VWA5B2: variants seen among roughly 807,000 people sequenced by gnomAD.
VWA5B2 encodes the protein von Willebrand factor A domain-containing protein 5B2.
A neutral mutation model predicts 118.5 loss-of-function variants in VWA5B2; 93 were observed. The observed-to-expected ratio is 0.79, with a 90% CI of 0.66 to 0.93. The LOEUF is 0.93. Among genes scored for constraint, VWA5B2 ranks in the 40% least tolerant of loss-of-function variants. The probability of loss-of-function intolerance (pLI) is 0.00; values close to 1 mark genes in which losing one functional copy is unlikely to be tolerated. For missense variants in VWA5B2, 1,546 were observed against 1,672.8 expected (o/e 0.92, Z 1.32); for synonymous variants, 708 against 716.3 (o/e 0.99, Z 0.19).
chr3:184,240,743 T>C lies in VWA5B2; in HGVS notation c.2741-48T>C, dbSNP rs1456134824. The C allele has an allele frequency of 3.9e-6, 6 of 1,544,104 alleles. No individual in the cohort carries two copies. In the African/African-American group the frequency reaches 4.1e-5, roughly 11 times the overall value. ...TGCAATTTTTTCTATGAGCCCTCTG[T>C]AGAGGGTGGGTGGTGGGGGCTCCAC... On this transcript the variant is annotated intron_variant, in intron 16 of 19. Transcript: ENST00000691901.
intron 8 of VWA5B2, among the ~76,000 whole-genome samples, 198 bp downstream of exon 8, chr3:184,235,506 C>T (rs559640938): frequency 1.3e-5 from 2 of 152,302 alleles, no homozygotes; most frequent in South Asian, 2.1e-4. Context: ...GACACTGTCA[C>T]GCTCTCTTGC....
At position 184,241,208 on chromosome 3, in the gene VWA5B2, C is replaced by G. The variant is rs1341241627; in HGVS notation, c.2984C>G (p.Ala995Gly). 1 of 1,550,284 alleles carries G rather than the reference C, an allele frequency of 6.5e-7. No individual in the cohort carries two copies. The highest frequency in any genetic ancestry group is 8.7e-7 in the Non-Finnish European group (1 of 1,146,294). The stretch of plus-strand genomic sequence containing the variant: ...GCAGGACTTCAGAGAGGCTCTCCAG[C>G]AGGCGCCTGGGACTCGGACCAAAAT... The part of the protein sequence containing the change: ...YSKGLQRGSP[A>G]GAWDSDQNGN... The change falls in exon 19 of 20, where the codon GCA (alanine) becomes GGA (glycine). Residue 995 changes from alanine to glycine, a missense_variant. Physicochemically the swap from Ala to Gly is moderately conservative, Grantham distance 60. This residue lies in a region of VWA5B2 where 763 missense variants were observed against 766.6 expected (regional missense o/e 1.00). Coordinates refer to ENST00000691901, the MANE Select transcript of VWA5B2 (RefSeq NM_001390846.1). The surrounding 1 kb of genome is among the most constrained non-coding windows in gnomAD (Gnocchi z 5.1).
chr3:184,235,354 A>T, intron 8 of VWA5B2, 46 bp downstream of exon 8: 11 of 1,513,088 alleles, frequency 7.3e-6, no homozygotes, highest in Non-Finnish European at 8.1e-6. Context: ...TGGGTGGGGC[A>T]GTGGGTCTGA....
Position 184,241,783 on chromosome 3 carries a change from CG to C in VWA5B2, c.3476del (p.Gly1159AlafsTer13). 1.3e-6 allele frequency: 2 copies of C among 1,491,746 alleles called. No individual in the cohort carries two copies. Among genetic ancestry groups the C allele is most frequent in the Admixed American group, 2.1e-5 (1 of 46,598 alleles). The allele number at this position is 1,491,746 out of a possible 1,614,324, so 92.4% of individuals were successfully genotyped here. A position where few individuals can be genotyped will look rare whatever the true frequency, so the allele number is the denominator to read the frequency against. On this transcript the variant is annotated frameshift_variant, in exon 20 of 20. Transcript: ENST00000691901. LOFTEE classifies it high-confidence loss of function. This position sits in a 1 kb window ranked among gnomAD's most constrained non-coding sequence, Gnocchi z 5.1. ...CCTCCGAGGGGGCGGAAGGGCTGGG[CG>C]GCACCGACCTGCGGGGCCGGACCTG... ...EASEGAEGLGGTDLRGRTWAT... is the reference protein window; with the variant it reads ...EASEGAEGLGXTDLRGRTWAT...
Position 184,239,493 on chromosome 3 carries a change from G to C in VWA5B2, c.2302G>C (p.Gly768Arg). 3 of 1,549,926 alleles carry C rather than the reference G, an allele frequency of 1.9e-6. No homozygotes were observed. Among genetic ancestry groups the C allele is most frequent in the Non-Finnish European group, 2.6e-6 (3 of 1,146,498 alleles). Residue 768 changes from glycine (G) to arginine (R), a missense_variant, in exon 15 of 20, where the codon GGC becomes CGC. Physicochemically the swap from Gly to Arg is moderately radical, Grantham distance 125. This residue lies in a region of VWA5B2 where 763 missense variants were observed against 766.6 expected (regional missense o/e 1.00). Coordinates refer to ENST00000691901, the MANE Select transcript of VWA5B2 (RefSeq NM_001390846.1). The surrounding 1 kb of genome is among the most constrained non-coding windows in gnomAD (Gnocchi z 5.1). ...SPPGRANQVP[G>R]RPRKPSLGAI... The stretch of plus-strand genomic sequence containing the variant: ...TCCAGGCCGGGCAAACCAAGTCCCC[G>C]GCCGACCCCGGAAACCCTCTTTGGG...
At position 184,233,243 on chromosome 3, in the gene VWA5B2, G is replaced by C; in HGVS notation, c.376G>C (p.Ala126Pro). 3.9e-6 allele frequency: 6 copies of C among 1,550,384 alleles called. No individual in the cohort carries two copies. Among genetic ancestry groups the C allele is most frequent in the Non-Finnish European group, 5.2e-6 (6 of 1,146,684 alleles). ...TLVLPTGIIAAAGTMTVTLHS... is the reference protein window; with the variant it reads ...TLVLPTGIIAPAGTMTVTLHS... ...GGTGCTGCCCACAGGCATTATCGCC[G>C]CGGCTGGCACCATGACGGTGACCCT... Residue 126 changes from alanine to proline, a missense_variant, in exon 4 of 20, where the codon GCG (alanine) becomes CCG (proline). By Grantham distance (27) the Ala-to-Pro change is conservative. This residue lies in a region of VWA5B2 where 775 missense variants were observed against 882.3 expected (regional missense o/e 0.88). Transcript: ENST00000691901. This position sits in a 1 kb window ranked among gnomAD's most constrained non-coding sequence, Gnocchi z 5.2.
At position 184,237,431 on chromosome 3, in the gene VWA5B2, T is replaced by G. The variant is rs1231527826; in HGVS notation, c.1719+20T>G. 6.5e-7 allele frequency: 1 copy of G among 1,536,264 alleles called. No homozygotes were observed. The highest frequency in any genetic ancestry group is 2.5e-5 in the East Asian group (1 of 40,564). On this transcript the variant is annotated intron_variant, in intron 12 of 19. Transcript: ENST00000691901. This position sits in a 1 kb window ranked among gnomAD's most constrained non-coding sequence, Gnocchi z 5.6. Reference sequence around the variant, plus strand: ...CCAGGGGTAAGCTTGGGCTGGGGTGTGGTAGGGGGGCTAGGGTGAGGTAGG... The same window carrying G: ...CCAGGGGTAAGCTTGGGCTGGGGTGGGGTAGGGGGGCTAGGGTGAGGTAGG...
chr3:184,236,559 A>T lies in VWA5B2; in HGVS notation c.1421+8A>T. On this transcript the variant is annotated splice_region_variant and intron_variant, in intron 10 of 19. Coordinates refer to ENST00000691901, the MANE Select transcript of VWA5B2 (RefSeq NM_001390846.1). ...GCACAGGGGGACAGCCAGGTATGGG[A>T]TGGGCAGAACCAGATGCGTAAGACT... 1 of 1,551,006 alleles carries T rather than the reference A, an allele frequency of 6.4e-7. No individual in the cohort carries two copies. Among genetic ancestry groups the T allele is most frequent in the Non-Finnish European group, 8.7e-7 (1 of 1,146,732 alleles).
Position 184,237,123 on chromosome 3 carries a change from G to A in VWA5B2, c.1534-103G>A. On this transcript the variant is annotated intron_variant, in intron 11 of 19. Coordinates refer to ENST00000691901, the MANE Select transcript of VWA5B2 (RefSeq NM_001390846.1). The surrounding 1 kb of genome is among the most constrained non-coding windows in gnomAD (Gnocchi z 5.6). The stretch of plus-strand genomic sequence containing the variant: ...CCTGGCCCTGTGCCCCATCAGCTTA[G>A]GGGCTGGGCAGATGGCATCAGGGGA... 1 of 1,327,032 alleles carries A rather than the reference G, an allele frequency of 7.5e-7. No individual in the cohort carries two copies. Among genetic ancestry groups the A allele is most frequent in the Non-Finnish European group, 1.0e-6 (1 of 972,508 alleles). The allele number at this position is 1,327,032 out of a possible 1,614,324, so 82.2% of individuals were successfully genotyped here.
In VWA5B2 at chr3:184,242,294, G is replaced by T; in HGVS notation, c.*256G>T. 1.3e-6 allele frequency: 1 copy of T among 751,150 alleles called. No homozygotes were observed. The highest frequency in any genetic ancestry group is 2.3e-6 in the Non-Finnish European group (1 of 441,172). The allele number at this position is 751,150 out of a possible 1,614,324, so 46.5% of individuals were successfully genotyped here. ...CACAGTGGAAGGGTAGAGAGCCACA[G>T]TCCCCAAATCCTATGCAATAAAGTG... On this transcript the variant is annotated 3_prime_UTR_variant, in exon 20 of 20. Coordinates refer to ENST00000691901, the MANE Select transcript of VWA5B2 (RefSeq NM_001390846.1).
rs1394163874 is a variant in VWA5B2 at position 184,233,819 on chromosome 3, A to T, written c.688+86A>T. 1 of 1,496,278 alleles carries T rather than the reference A, an allele frequency of 6.7e-7. No homozygotes were observed. Among genetic ancestry groups the T allele is most frequent in the African/African-American group, 1.4e-5 (1 of 72,056 alleles). The allele number at this position is 1,496,278 out of a possible 1,614,324, so 92.7% of individuals were successfully genotyped here. ...TGGAAGGGAAATAAGGCTCAGGGAT[A>T]GGAGGGACACAGGACAAAAAGACAG... On this transcript the variant is annotated intron_variant, in intron 5 of 19. Coordinates refer to ENST00000691901, the MANE Select transcript of VWA5B2 (RefSeq NM_001390846.1). The surrounding 1 kb of genome is among the most constrained non-coding windows in gnomAD (Gnocchi z 5.2).
chr3:184,232,980 A>G, intron 3 of VWA5B2, 198 bp from the exon 4 acceptor site: 2 of 588,868 alleles, frequency 3.4e-6, no homozygotes, highest in South Asian at 2.0e-5. Flanking sequence ...TGACAGCCAG[A>G]TCTGTTCACA....
In VWA5B2 at chr3:184,238,764, G is replaced by T. The variant is rs1718263686; in HGVS notation, c.2093G>T (p.Ser698Ile). The T allele has an allele frequency of 6.4e-7, 1 of 1,550,590 alleles. No individual in the cohort carries two copies. The highest frequency in any genetic ancestry group is 8.7e-7 in the Non-Finnish European group (1 of 1,146,790). The change falls in exon 14 of 20, where the codon AGT (serine) becomes ATT (isoleucine). Residue 698 changes from serine to isoleucine, a missense_variant. Coordinates refer to ENST00000691901, the MANE Select transcript of VWA5B2 (RefSeq NM_001390846.1). The surrounding 1 kb of genome is among the most constrained non-coding windows in gnomAD (Gnocchi z 5.0). ...GSQGPGSPEG[S>I]APLEPPSQQG... ...CAGGGCCCTGGCTCCCCCGAAGGTA[G>T]TGCTCCCTTGGAGCCCCCTTCTCAG...
At position 184,239,295 on chromosome 3, in the gene VWA5B2, C is replaced by G; in HGVS notation, c.2203-99C>G. ...CTCCTCAAGCTGGTGAGCGGCCACC[C>G]AGGGTTTCAGAAAAGGGGCATGGGC... On this transcript the variant is annotated intron_variant, in intron 14 of 19. Transcript: ENST00000691901. The surrounding 1 kb of genome is among the most constrained non-coding windows in gnomAD (Gnocchi z 5.1). 1 of 1,333,306 alleles carries G rather than the reference C, an allele frequency of 7.5e-7. No homozygotes were observed. Among genetic ancestry groups the G allele is most frequent in the Non-Finnish European group, 9.8e-7 (1 of 1,019,118 alleles). The allele number at this position is 1,333,306 out of a possible 1,614,324, so 82.6% of individuals were successfully genotyped here.
chr3:184,229,660 G>A lies in VWA5B2; in HGVS notation c.-203G>A, dbSNP rs978528489. On this transcript the variant is annotated 5_prime_UTR_variant, in exon 1 of 20. Transcript: ENST00000691901. ...CGAGGGCCACCCGGAGCGCAGAGGC[G>A]GCACCACCCACACGGATCCCGTGGG... 1.3e-5 allele frequency among the ~76,000 whole-genome samples: 2 copies of A among 152,158 alleles called. No homozygotes were observed. The highest frequency in any genetic ancestry group is 4.8e-5 in the African/African-American group (2 of 41,450).
In VWA5B2 at chr3:184,235,315, G is replaced by A. The variant is rs1717855610; in HGVS notation, c.1101+7G>A. The stretch of plus-strand genomic sequence containing the variant: ...CAGCAGCGTGGCACACAAGGCCCGT[G>A]GGGGTGTGGTGTGGGCAGGCCTGGG... On this transcript the variant is annotated splice_region_variant and intron_variant, in intron 8 of 19. Transcript: ENST00000691901. The A allele has an allele frequency of 6.4e-7, 1 of 1,551,220 alleles. No homozygotes were observed. The highest frequency in any genetic ancestry group is 2.4e-5 in the East Asian group (1 of 40,910).
In VWA5B2 at chr3:184,239,303, C is replaced by T. The variant is rs1718314689; in HGVS notation, c.2203-91C>T. 1 of 1,367,514 alleles carries T rather than the reference C, an allele frequency of 7.3e-7. No individual in the cohort carries two copies. Among genetic ancestry groups the T allele is most frequent in the Non-Finnish European group, 9.5e-7 (1 of 1,048,146 alleles). The allele number at this position is 1,367,514 out of a possible 1,614,324, so 84.7% of individuals were successfully genotyped here. A position where few individuals can be genotyped will look rare whatever the true frequency, so the allele number is the denominator to read the frequency against. ...GCTGGTGAGCGGCCACCCAGGGTTT[C>T]AGAAAAGGGGCATGGGCCAGCTGTG... On this transcript the variant is annotated intron_variant, in intron 14 of 19. Transcript: ENST00000691901. This position sits in a 1 kb window ranked among gnomAD's most constrained non-coding sequence, Gnocchi z 5.1.
In VWA5B2 at chr3:184,233,320, C is replaced by G. The variant is rs1717587713; in HGVS notation, c.453C>G (p.Ala151=). The G allele has an allele frequency of 6.5e-7, 1 of 1,537,666 alleles. No individual in the cohort carries two copies. The highest frequency in any genetic ancestry group is 8.8e-7 in the Non-Finnish European group (1 of 1,140,790). The change falls in exon 4 of 20, where the codon GCC becomes GCG. Residue 151 remains alanine (A), a synonymous_variant. Coordinates refer to ENST00000691901, the MANE Select transcript of VWA5B2 (RefSeq NM_001390846.1). The surrounding 1 kb of genome is among the most constrained non-coding windows in gnomAD (Gnocchi z 5.2). The part of the protein sequence containing the change: ...PSRPDGVLHV[A]LPTVLTPLAP... Reference sequence around the variant, plus strand: ...GGCCTGACGGGGTGCTGCATGTGGCCCTGCCCACTGTGCTCACCCCGCTGG... The same window carrying G: ...GGCCTGACGGGGTGCTGCATGTGGCGCTGCCCACTGTGCTCACCCCGCTGG...
In VWA5B2 at chr3:184,237,750, T is replaced by A. The variant is rs538281146; in HGVS notation, c.1719+339T>A. On this transcript the variant is annotated intron_variant, in intron 12 of 19. Coordinates refer to ENST00000691901, the MANE Select transcript of VWA5B2 (RefSeq NM_001390846.1). The surrounding 1 kb of genome is among the most constrained non-coding windows in gnomAD (Gnocchi z 5.6). The stretch of plus-strand genomic sequence containing the variant: ...GCTCATGGCTTCACATAGTTCCCTA[T>A]AGAAAGCACCAGCCAGCGTATTTTC... Among the ~76,000 whole-genome samples the A allele has an allele frequency of 2.0e-5, 3 of 152,328 alleles. No homozygotes were observed. The highest frequency in any genetic ancestry group is 7.2e-5 in the African/African-American group (3 of 41,564).
Sources: gnomAD v4.1 joint callset for allele counts (sites outside exome capture counted in the v4.1 genomes callset) on GRCh38, gnomAD v4.1.1 for gene constraint, gnomAD v4.1.1 regional missense constraint, Gnocchi (gnomAD v3.1) non-coding constraint, MANE v1.5 for transcripts, NCBI Gene and HGNC (gene_info 2026-07-23, HGNC 2026-07-21) for gene names.